Variants in GLUD1 observed in about 807,000 individuals in gnomAD.
GLUD1 encodes the protein glutamate dehydrogenase 1.
A neutral mutation model predicts 56.0 loss-of-function variants in GLUD1; 22 were observed. That is an observed-to-expected ratio of 0.39 (90% CI 0.28 to 0.56). The LOEUF (loss-of-function observed/expected upper bound fraction) is 0.56, where lower values mean the gene tolerates loss of function less well. GLUD1 is among the 20% of genes least tolerant of loss of function. The pLI is 0.58. For synonymous variants in GLUD1, 223 were observed against 269.9 expected (o/e 0.83, Z 1.70); for missense variants, 451 against 732.0 (o/e 0.62, Z 4.43).
At chr10:87,078,186 A>G (rs148948875) in intron 1 of GLUD1, among the ~76,000 whole-genome samples, 5 of 152,348 alleles carry the variant, frequency 3.3e-5, no homozygotes, top group East Asian at 1.9e-4. Context: ...GCTTAGAACT[A>G]TATCTTGTGT....
rs1845904264 is a variant in GLUD1 at position 87,060,576 on chromosome 10, T to G, written c.1197+112A>C. The G allele has an allele frequency of 8.7e-6, 11 of 1,262,000 alleles. No individual in the cohort carries two copies. The South Asian group carries it at 1.3e-4, about 15-fold the overall frequency. The allele number at this position is 1,262,000 out of a possible 1,614,324, so 78.2% of individuals were successfully genotyped here. On this transcript the variant is annotated intron_variant, in intron 8 of 12. Coordinates refer to ENST00000277865, the MANE Select transcript of GLUD1 (RefSeq NM_005271.5). ...GGGGAACTGTATGGTATGTGCAGTA[T>G]GTGCCAATAAAGCTGCTAAAAAGAA...
chr10:87,075,871 G>A (rs11202318), intron 3 of GLUD1, 97 bp downstream of exon 3: 100,216 of 852,514 alleles, frequency 0.12, 6,433 homozygotes, highest in Admixed American at 0.16. Flanking sequence ...CCAAGATTGC[G>A]CCATTGTACT....
chr10:87,066,285 T>G (rs1343521687), intron 5 of GLUD1, among the ~76,000 whole-genome samples: 1 of 152,136 alleles, frequency 6.6e-6, no homozygotes, highest in Admixed American at 6.5e-5. Context: ...TCCGGGCCCC[T>G]GTAGTAGTCT....
chr10:87,079,834 T>C (rs76606101), intron 1 of GLUD1, among the ~76,000 whole-genome samples: 1 of 152,216 alleles, frequency 6.6e-6, no homozygotes, highest in Non-Finnish European at 1.5e-5. Flanking sequence ...GTTTCATTAC[T>C]TCTACATAAA....
rs1034564356 is a variant in GLUD1, at chr10:87,084,056, A to G, written c.446-7400T>C. Reference sequence around the variant, plus strand: ...CATTAGAAACATGGCCTAAAAATCAAGGCCACCCTGCTGACAAAGTAATCT... The same window carrying G: ...CATTAGAAACATGGCCTAAAAATCAGGGCCACCCTGCTGACAAAGTAATCT... On this transcript the variant is annotated intron_variant, in intron 1 of 12. Coordinates refer to ENST00000277865, the MANE Select transcript of GLUD1 (RefSeq NM_005271.5). Among the ~76,000 whole-genome samples the G allele has an allele frequency of 1.8e-4, 27 of 152,344 alleles. 1 individual carries two copies. The highest frequency in any genetic ancestry group is 3.2e-4 in the Non-Finnish European group (22 of 68,046).
chr10:87,064,268 G>GT (rs1846017809), intron 5 of GLUD1, among the ~76,000 whole-genome samples: 2 of 152,084 alleles, frequency 1.3e-5, no homozygotes, highest in Non-Finnish European at 2.9e-5. Flanking sequence ...AGAAACAGGT[G>GT]TAATTAGAAA....
chr10:87,085,842 A>C (rs1841369185), intron 1 of GLUD1, among the ~76,000 whole-genome samples: 1 of 152,200 alleles, frequency 6.6e-6, no homozygotes, highest in South Asian at 2.1e-4. Context: ...TATACATTAA[A>C]AGGGGGATTT....
chr10:87,079,310 T>C (rs941604998), intron 1 of GLUD1, among the ~76,000 whole-genome samples: 33 of 151,214 alleles, frequency 2.2e-4, no homozygotes, highest in Admixed American at 2.0e-3. Context: ...TGGGGGCATG[T>C]GCGTGTAGTC....
At position 87,078,956 on chromosome 10, in the gene GLUD1, T is replaced by C. The variant is rs185396776; in HGVS notation, c.446-2300A>G. The stretch of plus-strand genomic sequence containing the variant: ...GAGTTTGAAACCAGCCTGGCCAACA[T>C]AGTGAGACCTCATTTCTACAACAAC... On this transcript the variant is annotated intron_variant, in intron 1 of 12. Coordinates refer to ENST00000277865, the MANE Select transcript of GLUD1 (RefSeq NM_005271.5). 1.9e-3 allele frequency among the ~76,000 whole-genome samples: 289 copies of C among 152,216 alleles called. 1 individual carries two copies. Among genetic ancestry groups the C allele is most frequent in the African/African-American group, 6.3e-3 (262 of 41,554 alleles).
At chr10:87,056,130 A>AAACAAAACAAAAC (rs1564762485) in intron 11 of GLUD1, among the ~76,000 whole-genome samples, 12 of 147,424 alleles carry the variant, frequency 8.1e-5, no homozygotes, top group African/African-American at 2.7e-4. Context: ...AAAAAAAAAA[A>AAACAAAACAAAAC]AAAAAAAAAA....
rs1371665088 is a variant in GLUD1 at position 87,077,894 on chromosome 10, T to G, written c.446-1238A>C. On this transcript the variant is annotated intron_variant, in intron 1 of 12. Transcript: ENST00000277865. ...TACGATTTCCACTGGGAGTCACAAGTAAGTAATGGGAGCCCCAGGGAGAGC... is the reference window on the plus strand; with the variant it reads ...TACGATTTCCACTGGGAGTCACAAGGAAGTAATGGGAGCCCCAGGGAGAGC... Among the ~76,000 whole-genome samples, 2 of 152,080 alleles carry G rather than the reference T, an allele frequency of 1.3e-5. 1 individual carries two copies. The highest frequency in any genetic ancestry group is 4.2e-4 in the South Asian group (2 of 4,798).
At chr10:87,077,918 G>A (rs1033409047) in intron 1 of GLUD1, among the ~76,000 whole-genome samples, 7 of 152,026 alleles carry the variant, frequency 4.6e-5, no homozygotes, top group Non-Finnish European at 1.0e-4. Flanking sequence ...CCCAGGGAGA[G>A]CTCTTTTAAA....
At chr10:87,090,513 C>T (rs564171685) in intron 1 of GLUD1, among the ~76,000 whole-genome samples, 1 of 152,266 alleles carries the variant, frequency 6.6e-6, no homozygotes, top group Admixed American at 6.5e-5. Flanking sequence ...CAGATCACTA[C>T]CATTACCAAG....
At chr10:87,053,961 A>G (rs1012468501) in intron 11 of GLUD1, among the ~76,000 whole-genome samples, 4 of 151,858 alleles carry the variant, frequency 2.6e-5, no homozygotes, top group Non-Finnish European at 4.4e-5. Context: ...ACCAGAGAAG[A>G]TGGCCAAGGT....
intron 1 of GLUD1, 49 bp from the exon 2 acceptor site, chr10:87,076,705 G>A (rs765756302): frequency 6.8e-6 from 7 of 1,026,388 alleles, no homozygotes; most frequent in Admixed American, 3.4e-5. Context: ...GAAAGAAGGG[G>A]TTATATTTAG....
chr10:87,094,184 G>T lies in GLUD1; in HGVS notation c.445+141C>A. ...CATCCACAGAGCCGGCCACATCCGA[G>T]GCGGGGTGACCCGGGCGGGGACCCG... On this transcript the variant is annotated intron_variant, in intron 1 of 12. Transcript: ENST00000277865. The surrounding 1 kb of genome is among the most constrained non-coding windows in gnomAD (Gnocchi z 6.6). 7.2e-7 allele frequency: 1 copy of T among 1,387,986 alleles called. No homozygotes were observed. The highest frequency in any genetic ancestry group is 2.5e-5 in the East Asian group (1 of 39,792). The allele number at this position is 1,387,986 out of a possible 1,614,324, so 86.0% of individuals were successfully genotyped here.
chr10:87,057,969 C>A (rs1276474649), intron 10 of GLUD1, among the ~76,000 whole-genome samples, 187 bp from the exon 11 acceptor site: 3 of 152,086 alleles, frequency 2.0e-5, no homozygotes, highest in Admixed American at 2.0e-4. Flanking sequence ...CCCGGGTTCA[C>A]GCCATTCTCC....
At chr10:87,057,881 CTT>C in intron 10 of GLUD1, 99 bp from the exon 11 acceptor site, 1 of 710,978 alleles carries the variant, frequency 1.4e-6, no homozygotes, top group Non-Finnish European at 2.5e-6. Context: ...AACCCAAAAA[CTT>C]ATACAGACAG....
At chr10:87,080,815 C>A (rs1431514563) in intron 1 of GLUD1, among the ~76,000 whole-genome samples, 1 of 150,834 alleles carries the variant, frequency 6.6e-6, no homozygotes, top group East Asian at 2.0e-4. Flanking sequence ...GGAGCCTCTC[C>A]GCCCGGCAGC....
Sources: gnomAD v4.1 joint callset for allele counts (sites outside exome capture counted in the v4.1 genomes callset) on GRCh38, gnomAD v4.1.1 for gene constraint, Gnocchi (gnomAD v3.1) non-coding constraint, MANE v1.5 for transcripts, NCBI Gene and HGNC (gene_info 2026-07-23, HGNC 2026-07-21) for gene names.